Variants in TSNARE1 observed in about 807,000 individuals in gnomAD.
TSNARE1 encodes the protein t-SNARE domain containing 1.
In TSNARE1, 49 loss-of-function variants were observed where a neutral mutation model predicts 62.0. The observed-to-expected ratio is 0.79, with a 90% CI of 0.63 to 1.00. The LOEUF (loss-of-function observed/expected upper bound fraction) is 1.00. Among genes scored for constraint, TSNARE1 ranks in the 50% least tolerant of loss-of-function variants. The pLI is 0.00. For synonymous variants in TSNARE1, 328 were observed against 294.4 expected (o/e 1.11, Z -1.17); for missense variants, 755 against 700.1 (o/e 1.08, Z -0.88).
intron 2 of TSNARE1, among the ~76,000 whole-genome samples, chr8:142,351,097 A>T (rs1456572340): frequency 6.6e-6 from 1 of 152,178 alleles, no homozygotes; most frequent in African/African-American, 2.4e-5. Flanking sequence ...GCTATCTGGG[A>T]TTTACTCCGG....
rs1326623715 is a variant in TSNARE1, at chr8:142,344,542, C to T, written c.239-70G>A. ...GGAGGCAGCGGCCCCGGCGGCAGCT[C>T]CCTACGGCGCCTCCTCTCTGGTTTC... On this transcript the variant is annotated intron_variant, in intron 3 of 13. Coordinates refer to ENST00000524325, the MANE Select transcript of TSNARE1 (RefSeq NM_145003.5). 16 of 1,397,112 alleles carry T rather than the reference C, an allele frequency of 1.1e-5. 1 individual carries two copies. The highest frequency in any genetic ancestry group is 1.5e-5 in the African/African-American group (1 of 67,828). 86.5% of individuals were successfully genotyped at this position (1,397,112 alleles called of 1,614,324 possible).
chr8:142,343,876 G>A, intron 4 of TSNARE1, 90 bp downstream of exon 4: 1 of 1,267,486 alleles, frequency 7.9e-7, no homozygotes. Context: ...CACTGTGGAG[G>A]AAGATGCAGG....
At chr8:142,256,073 T>C (rs1212314728) in intron 12 of TSNARE1, among the ~76,000 whole-genome samples, 13 of 54,602 alleles carry the variant, frequency 2.4e-4, no homozygotes, top group East Asian at 7.8e-4. Flanking sequence ...ACCATCACCA[T>C]CACCACCACC....
At chr8:142,321,221 A>G (rs10104625) in intron 6 of TSNARE1, among the ~76,000 whole-genome samples, 33,899 of 152,054 alleles carry the variant, frequency 0.22, 4,276 homozygotes, top group African/African-American at 0.33. Context: ...GCTCGTCCCA[A>G]TAAAAGGCCC....
chr8:142,278,265 G>A lies in TSNARE1; in HGVS notation c.1364-3402C>T, dbSNP rs142466661. 1.8e-3 allele frequency: 1,738 copies of A among 985,422 alleles called. 21 individuals carry two copies. The African/African-American group carries it at 0.028, about 16-fold the overall frequency. The allele number at this position is 985,422 out of a possible 1,614,324, so 61.0% of individuals were successfully genotyped here. On this transcript the variant is annotated intron_variant, in intron 11 of 13. Transcript: ENST00000524325. ...CCAGTCCGGCCCACTCTGCCCATGG[G>A]TCCCAGCCTCATGCACCGCTGTGAG...
At chr8:142,223,027 C>CTCAT (rs1465134331) in intron 13 of TSNARE1, among the ~76,000 whole-genome samples, 7 of 48,036 alleles carry the variant, frequency 1.5e-4, no homozygotes, top group East Asian at 1.6e-3. Flanking sequence ...CACTCAGCCA[C>CTCAT]TCACTCATTC....
At chr8:142,322,552 C>T (rs1183510659) in intron 6 of TSNARE1, among the ~76,000 whole-genome samples, 2 of 152,214 alleles carry the variant, frequency 1.3e-5, no homozygotes, top group Admixed American at 6.5e-5. Context: ...AACTAATCAG[C>T]GAGTGAATCT....
intron 12 of TSNARE1, among the ~76,000 whole-genome samples, chr8:142,238,743 G>GCCCCTGCACACCCA (rs1817554309): frequency 1.2e-4 from 2 of 16,534 alleles, no homozygotes; most frequent in African/African-American, 3.3e-4. Context: ...CTGCACGCCC[G>GCCCCTGCACACCCA]CCCCTGCACG....
At chr8:142,303,667 A>G (rs1826163767) in intron 9 of TSNARE1, among the ~76,000 whole-genome samples, 1 of 152,226 alleles carries the variant, frequency 6.6e-6, no homozygotes, top group African/African-American at 2.4e-5. Flanking sequence ...TCTACAAACA[A>G]GCACTTCATT....
intron 9 of TSNARE1, among the ~76,000 whole-genome samples, chr8:142,311,290 GTTTTTTTTTTTT>G (rs58755110): frequency 1.7e-5 from 1 of 57,336 alleles, no homozygotes; most frequent in African/African-American, 9.3e-5. Context: ...AGCCTCTCTA[GTTTTTTTTTTTT>G]TTTTTTTTTT....
intron 1 of TSNARE1, among the ~76,000 whole-genome samples, chr8:142,355,988 T>C (rs1394000814): frequency 6.6e-6 from 1 of 152,222 alleles, no homozygotes; most frequent in Non-Finnish European, 1.5e-5. Context: ...GGATCGCACC[T>C]ACTAACATCC....
chr8:142,253,573 C>G, intron 12 of TSNARE1, among the ~76,000 whole-genome samples: 1 of 149,472 alleles, frequency 6.7e-6, no homozygotes, highest in African/African-American at 2.5e-5. Context: ...CCATTCTGGG[C>G]ATAGACCCAC....
At chr8:142,396,045 CTT>C (rs1837872068) in intron 1 of TSNARE1, among the ~76,000 whole-genome samples, 1 of 152,144 alleles carries the variant, frequency 6.6e-6, no homozygotes, top group Non-Finnish European at 1.5e-5. Flanking sequence ...CTGTGGCTCT[CTT>C]TGTCCGTGGC....
intron 12 of TSNARE1, among the ~76,000 whole-genome samples, chr8:142,254,981 T>C (rs1400052043): frequency 1.3e-5 from 2 of 152,106 alleles, no homozygotes; most frequent in Admixed American, 1.3e-4. Context: ...GCTGACTGCC[T>C]GGGTGGTTTG....
chr8:142,387,557 C>A lies in TSNARE1; in HGVS notation c.-40+15547G>T, dbSNP rs80257417. 2.8e-3 allele frequency among the ~76,000 whole-genome samples: 427 copies of A among 151,720 alleles called. 3 individuals carry two copies. Among genetic ancestry groups the A allele is most frequent in the African/African-American group, 9.9e-3 (411 of 41,370 alleles). ...AACCAAGAAAAACAAGAGAAGCAAC[C>A]GAGACGGAAATAACCGCAGAAACCA... On this transcript the variant is annotated intron_variant, in intron 1 of 13. Transcript: ENST00000524325.
At chr8:142,269,820 G>A in intron 12 of TSNARE1, 3 of 985,450 alleles carry the variant, frequency 3.0e-6, no homozygotes, top group Non-Finnish European at 3.6e-6. Flanking sequence ...GTAGCCTGGA[G>A]GGAGGCCAGG....
At chr8:142,383,641 G>A (rs1367505147) in intron 1 of TSNARE1, among the ~76,000 whole-genome samples, 3 of 152,182 alleles carry the variant, frequency 2.0e-5, no homozygotes, top group Non-Finnish European at 2.9e-5. Context: ...GCAGGAGTGT[G>A]GACACGTATT....
chr8:142,368,921 T>C (rs771520520), intron 1 of TSNARE1, among the ~76,000 whole-genome samples: 3 of 152,216 alleles, frequency 2.0e-5, no homozygotes, highest in African/African-American at 7.2e-5. Context: ...CTGGGCCCAC[T>C]GCAGGAGTGC....
chr8:142,280,518 C>T (rs1821248032), intron 11 of TSNARE1, among the ~76,000 whole-genome samples: 1 of 152,186 alleles, frequency 6.6e-6, no homozygotes. Flanking sequence ...CCCGCCTGTC[C>T]ACCCGGCAGG....
Sources: gnomAD v4.1 joint callset for allele counts (sites outside exome capture counted in the v4.1 genomes callset) on GRCh38, gnomAD v4.1.1 for gene constraint, MANE v1.5 for transcripts, NCBI Gene and HGNC (gene_info 2026-07-23, HGNC 2026-07-21) for gene names.